SNRNP48: variants seen among roughly 807,000 people sequenced by gnomAD.
The protein encoded by SNRNP48 is small nuclear ribonucleoprotein U11/U12 subunit 48.
A neutral mutation model predicts 47.0 loss-of-function variants in SNRNP48; 43 were observed. The observed-to-expected ratio is 0.92, with a 90% confidence interval of 0.72 to 1.18. The LOEUF (loss-of-function observed/expected upper bound fraction) is 1.18, where lower values mean the gene tolerates loss of function less well. Ranked by LOEUF, SNRNP48 falls within the 50% of genes most tolerant of loss-of-function variation. The pLI is 0.00. For synonymous variants in SNRNP48, 138 were observed against 144.0 expected (o/e 0.96, Z 0.30); for missense variants, 396 against 422.2 (o/e 0.94, Z 0.54).
chr6:7,598,750 G>A (rs1488656878), intron 4 of SNRNP48, among the ~76,000 whole-genome samples: 1 of 152,084 alleles, frequency 6.6e-6, no homozygotes, highest in Non-Finnish European at 1.5e-5. Context: ...GGTTTTATAT[G>A]TATGTTTTCA....
intron 4 of SNRNP48, among the ~76,000 whole-genome samples, chr6:7,597,152 A>G (rs1759918226): frequency 6.6e-6 from 1 of 152,220 alleles, no homozygotes; most frequent in African/African-American, 2.4e-5. Context: ...AGGTGAAGAA[A>G]CAGGCACACA....
intron 5 of SNRNP48, 127 bp downstream of exon 5, chr6:7,601,651 A>G: frequency 1.0e-6 from 1 of 959,084 alleles, no homozygotes; most frequent in East Asian, 2.9e-5. Flanking sequence ...TTTAATATTG[A>G]CATGAAGTTG....
intron 3 of SNRNP48, among the ~76,000 whole-genome samples, chr6:7,594,714 G>C (rs1028012681): frequency 4.6e-5 from 7 of 152,122 alleles, no homozygotes; most frequent in Non-Finnish European, 7.3e-5. Context: ...TCAGCTAGAG[G>C]GTCACAGAGT....
At chr6:7,593,281 A>G (rs1052109042) in intron 1 of SNRNP48, among the ~76,000 whole-genome samples, 1 of 152,134 alleles carries the variant, frequency 6.6e-6, no homozygotes, top group Non-Finnish European at 1.5e-5. Context: ...AAGAAGCCAG[A>G]GAGGTAGAAA....
Position 7,590,276 on chromosome 6 carries a change from CCTGTGGAGGAGCGGCGGCGG to C in SNRNP48, c.23_42del (p.Val8AlafsTer28). 7.3e-7 allele frequency: 1 copy of C among 1,364,230 alleles called. No homozygotes were observed. Among genetic ancestry groups the C allele is most frequent in the Non-Finnish European group, 9.6e-7 (1 of 1,046,834 alleles). The allele number at this position is 1,364,230 out of a possible 1,614,324, so 84.5% of individuals were successfully genotyped here. A position where few individuals can be genotyped will look rare whatever the true frequency, so the allele number is the denominator to read the frequency against. Reference sequence around the variant, plus strand: ...TGCAGCTATGGAGGGCGAGCCTCCACCTGTGGAGGAGCGGCGGCGGCTGCAGGAGGAGCTGAACGAGTTCG... The same window carrying C: ...TGCAGCTATGGAGGGCGAGCCTCCACCTGCAGGAGGAGCTGAACGAGTTCG... On this transcript the variant is annotated frameshift_variant, in exon 1 of 9. Coordinates refer to ENST00000342415, the MANE Select transcript of SNRNP48 (RefSeq NM_152551.4). LOFTEE classifies it high-confidence loss of function.
In SNRNP48 at chr6:7,608,810, C is replaced by T. The variant is rs1581841651; in HGVS notation, c.972-15C>T. On this transcript the variant is annotated splice_polypyrimidine_tract_variant and intron_variant, in intron 8 of 8. Transcript: ENST00000342415. ...CATCATTTATAACCATTTTTTTATA[C>T]CTCTTTTATTTCAGGGATGGGGAAA... The T allele has an allele frequency of 6.9e-7, 1 of 1,457,444 alleles. No homozygotes were observed. The allele number at this position is 1,457,444 out of a possible 1,614,324, so 90.3% of individuals were successfully genotyped here. A position where few individuals can be genotyped will look rare whatever the true frequency, so the allele number is the denominator to read the frequency against.
chr6:7,607,677 C>T (rs940309162), intron 8 of SNRNP48, among the ~76,000 whole-genome samples: 2 of 152,164 alleles, frequency 1.3e-5, no homozygotes, highest in South Asian at 4.1e-4. Context: ...TGTTCTTGAG[C>T]TTAATAGTTA....
intron 6 of SNRNP48, among the ~76,000 whole-genome samples, chr6:7,603,084 A>G (rs958417707): frequency 1.3e-5 from 2 of 152,142 alleles, no homozygotes; most frequent in Non-Finnish European, 2.9e-5. Context: ...TAAGCAAGTT[A>G]TTTGAGCTTT....
chr6:7,605,103 C>T (rs774277568), intron 6 of SNRNP48, among the ~76,000 whole-genome samples: 12 of 152,172 alleles, frequency 7.9e-5, no homozygotes, highest in Non-Finnish European at 1.5e-4. Context: ...AATTACATAC[C>T]TCATAACCCT....
At chr6:7,598,089 G>A (rs984649538) in intron 4 of SNRNP48, among the ~76,000 whole-genome samples, 4 of 151,600 alleles carry the variant, frequency 2.6e-5, no homozygotes, top group Admixed American at 6.6e-5. Context: ...CGATGGTCTC[G>A]ATCTCCTGAC....
In SNRNP48 at chr6:7,609,016, T is replaced by C. The variant is rs747053762; in HGVS notation, c.*143T>C. ...TTTTTTTTATGATCTGTTTAGTGCTTATTATTTTCCAGTAAATATGCTTCA... is the reference window on the plus strand; with the variant it reads ...TTTTTTTTATGATCTGTTTAGTGCTCATTATTTTCCAGTAAATATGCTTCA... On this transcript the variant is annotated 3_prime_UTR_variant, in exon 9 of 9. Coordinates refer to ENST00000342415, the MANE Select transcript of SNRNP48 (RefSeq NM_152551.4). The C allele has an allele frequency of 7.9e-5, 31 of 393,772 alleles. No individual in the cohort carries two copies. The highest frequency in any genetic ancestry group is 1.3e-4 in the Non-Finnish European group (28 of 219,164). The allele number at this position is 393,772 out of a possible 1,614,324, so 24.4% of individuals were successfully genotyped here. A position where few individuals can be genotyped will look rare whatever the true frequency, so the allele number is the denominator to read the frequency against.
At chr6:7,596,270 A>C (rs1759903590) in intron 4 of SNRNP48, among the ~76,000 whole-genome samples, 1 of 152,126 alleles carries the variant, frequency 6.6e-6, no homozygotes, top group Non-Finnish European at 1.5e-5. Flanking sequence ...CATCTCAAAA[A>C]AAAAAACACA....
rs1333152854 is a variant in SNRNP48 at position 7,610,292 on chromosome 6, G to A, written c.*1419G>A. 1 of 152,140 alleles carries A rather than the reference G, an allele frequency of 6.6e-6. No homozygotes were observed. Among genetic ancestry groups the A allele is most frequent in the Non-Finnish European group, 1.5e-5 (1 of 68,034 alleles). 9.4% of individuals were successfully genotyped at this position (152,140 alleles called of 1,614,324 possible). ...GGATTTGGATCAGATTGGCTGTTAGGCTTCAGGTATGGGAAACAGCTCTCA... is the reference window on the plus strand; with the variant it reads ...GGATTTGGATCAGATTGGCTGTTAGACTTCAGGTATGGGAAACAGCTCTCA... On this transcript the variant is annotated 3_prime_UTR_variant, in exon 9 of 9. Coordinates refer to ENST00000342415, the MANE Select transcript of SNRNP48 (RefSeq NM_152551.4).
chr6:7,601,404 G>T lies in SNRNP48; in HGVS notation c.475G>T (p.Ala159Ser). The T allele has an allele frequency of 1.2e-6, 2 of 1,600,266 alleles. No individual in the cohort carries two copies. Among genetic ancestry groups the T allele is most frequent in the Non-Finnish European group, 1.7e-6 (2 of 1,177,176 alleles). ...ACGGTTTGTTTGTGATCTAACTCAA[G>T]CTGATCGTCTTGCCCTCTATGATTT... ...HKRFVCDLTQ[A>S]DRLALYDFVV... The change falls in exon 5 of 9, where the codon GCT becomes TCT. Residue 159 changes from alanine to serine, a missense_variant. Coordinates refer to ENST00000342415, the MANE Select transcript of SNRNP48 (RefSeq NM_152551.4).
At position 7,593,779 on chromosome 6, in the gene SNRNP48, A is replaced by G. The variant is rs1245097360; in HGVS notation, c.202A>G (p.Lys68Glu). ...ATACGATTCCAATCATCACATGCCT[A>G]AATCATCTTTGGCAAAGCACATGGC... ...CPYDSNHHMP[K>E]SSLAKHMASC... The change falls in exon 2 of 9, where the codon AAA becomes GAA. Residue 68 changes from lysine (K) to glutamate (E), a missense_variant. Physicochemically the swap from Lys to Glu is moderately conservative, Grantham distance 56 (BLOSUM62 1). Transcript: ENST00000342415. 3 of 1,601,944 alleles carry G rather than the reference A, an allele frequency of 1.9e-6. No homozygotes were observed. Among genetic ancestry groups the G allele is most frequent in the Non-Finnish European group, 1.7e-6 (2 of 1,174,150 alleles).
At position 7,594,130 on chromosome 6, in the gene SNRNP48, A is replaced by G; in HGVS notation, c.302A>G (p.Glu101Gly). 1 of 1,426,820 alleles carries G rather than the reference A, an allele frequency of 7.0e-7. No individual in the cohort carries two copies. Among genetic ancestry groups the G allele is most frequent in the Admixed American group, 2.3e-5 (1 of 43,246 alleles). 88.4% of individuals were successfully genotyped at this position (1,426,820 alleles called of 1,614,324 possible). ...DEMYNPEFFYENVKIPSITLN... is the reference protein window; with the variant it reads ...DEMYNPEFFYGNVKIPSITLN... The stretch of plus-strand genomic sequence containing the variant: ...ATGTATAATCCTGAGTTTTTCTATG[A>G]AAATGTGAAGATACCTTCGATTACT... Residue 101 changes from glutamate (E) to glycine (G), a missense_variant, in exon 3 of 9, where the codon GAA becomes GGA. Physicochemically the swap from Glu to Gly is moderately conservative, Grantham distance 98. Transcript: ENST00000342415.
At position 7,590,231 on chromosome 6, in the gene SNRNP48, C is replaced by A; in HGVS notation, c.-27C>A. The A allele has an allele frequency of 7.7e-7, 1 of 1,294,648 alleles. No individual in the cohort carries two copies. The highest frequency in any genetic ancestry group is 9.9e-7 in the Non-Finnish European group (1 of 1,013,366). The allele number at this position is 1,294,648 out of a possible 1,614,324, so 80.2% of individuals were successfully genotyped here. On this transcript the variant is annotated 5_prime_UTR_variant, in exon 1 of 9. Coordinates refer to ENST00000342415, the MANE Select transcript of SNRNP48 (RefSeq NM_152551.4). The stretch of plus-strand genomic sequence containing the variant: ...GCGCGTGCGGTCTGCAGTTCGGCCG[C>A]TTCCTCTTGGCGGGTGGGCTGCAGC...
At position 7,609,737 on chromosome 6, in the gene SNRNP48, C is replaced by T. The variant is rs1760197595; in HGVS notation, c.*864C>T. The T allele has an allele frequency of 6.6e-6, 1 of 152,056 alleles. No individual in the cohort carries two copies. Among genetic ancestry groups the T allele is most frequent in the South Asian group, 2.1e-4 (1 of 4,826 alleles). The allele number at this position is 152,056 out of a possible 1,614,324, so 9.4% of individuals were successfully genotyped here. A position where few individuals can be genotyped will look rare whatever the true frequency, so the allele number is the denominator to read the frequency against. ...TTTCATTTAATTTAAAATATACTGT[C>T]ATGTTGTGTTTTGTAAATCAACTGA... On this transcript the variant is annotated 3_prime_UTR_variant, in exon 9 of 9. Coordinates refer to ENST00000342415, the MANE Select transcript of SNRNP48 (RefSeq NM_152551.4).
In SNRNP48 at chr6:7,610,549, G is replaced by A. The variant is rs1561717612; in HGVS notation, c.*1676G>A. 1 of 152,108 alleles carries A rather than the reference G, an allele frequency of 6.6e-6. No homozygotes were observed. The highest frequency in any genetic ancestry group is 2.4e-5 in the African/African-American group (1 of 41,426). The allele number at this position is 152,108 out of a possible 1,614,324, so 9.4% of individuals were successfully genotyped here. On this transcript the variant is annotated 3_prime_UTR_variant, in exon 9 of 9. Coordinates refer to ENST00000342415, the MANE Select transcript of SNRNP48 (RefSeq NM_152551.4). ...AACTTATAATTTTGTTTCAAATTGTGATTTCATTGATTTTACTAACTGGAA... is the reference window on the plus strand; with the variant it reads ...AACTTATAATTTTGTTTCAAATTGTAATTTCATTGATTTTACTAACTGGAA...
Sources: gnomAD v4.1 joint callset for allele counts (sites outside exome capture counted in the v4.1 genomes callset) on GRCh38, gnomAD v4.1.1 for gene constraint, MANE v1.5 for transcripts, NCBI Gene and HGNC (gene_info 2026-07-23, HGNC 2026-07-21) for gene names.